The following FAT3 variants were observed in gnomAD, a reference collection of about 807,000 sequenced individuals.
The protein encoded by FAT3 is protocadherin Fat 3.
In FAT3, 95 loss-of-function variants were observed where a neutral mutation model predicts 310.2. That is an observed-to-expected ratio of 0.31 (90% CI 0.26 to 0.36). The LOEUF (loss-of-function observed/expected upper bound fraction) is 0.36. Among genes scored for constraint, FAT3 ranks in the 10% least tolerant of loss-of-function variants. The pLI, the probability that FAT3 is intolerant of heterozygous loss-of-function variation, is 1.00. For missense variants in FAT3, 5,408 were observed against 5,715.6 expected, an observed-to-expected ratio of 0.95 and a Z score of 1.74; for synonymous variants, 2,314 against 2,192.9, an observed-to-expected ratio of 1.06 and a Z score of -1.54.
chr11:92,595,868 CA>C (rs1044660879), intron 3 of FAT3, among the ~76,000 whole-genome samples: 9 of 152,138 alleles, frequency 5.9e-5, no homozygotes, highest in African/African-American at 2.2e-4. Context: ...CTAACTCTCC[CA>C]ACCTTCTGTC....
Position 92,866,996 on chromosome 11 carries a change from G to A in FAT3, c.11914G>A (p.Asp3972Asn), listed in dbSNP as rs776480035. 13 of 1,608,014 alleles carry A rather than the reference G, an allele frequency of 8.1e-6. No homozygotes were observed. Among genetic ancestry groups the A allele is most frequent in the Non-Finnish European group, 1.1e-5 (13 of 1,177,450 alleles). Residue 3972 changes from aspartate (D) to asparagine (N), a missense_variant, in exon 22 of 28, where the codon GAC (aspartate) becomes AAC (asparagine). By Grantham distance (23) the Asp-to-Asn change is conservative (BLOSUM62 1). Coordinates refer to ENST00000525166, the MANE Select transcript of FAT3 (RefSeq NM_001367949.2). ...VQADNIRSLT[D>N]TRVTQVLSGF... ...AGCGGATAACATCCGCAGCCTGACT[G>A]ACACGCGGGTCACGCAGGTGCTCAG...
intron 2 of FAT3, among the ~76,000 whole-genome samples, chr11:92,487,170 T>A (rs986783987): frequency 6.6e-6 from 1 of 152,056 alleles, no homozygotes; most frequent in African/African-American, 2.4e-5. Context: ...TTTCATATTA[T>A]TTTTTTCAAA....
chr11:92,723,238 A>G (rs574537108), intron 4 of FAT3, among the ~76,000 whole-genome samples: 1 of 152,272 alleles, frequency 6.6e-6, no homozygotes, highest in Admixed American at 6.5e-5. Context: ...ACCCTAAATC[A>G]TCTCTCTCAA....
At chr11:92,358,759 G>C (rs2085569321) in intron 2 of FAT3, among the ~76,000 whole-genome samples, 1 of 152,092 alleles carries the variant, frequency 6.6e-6, no homozygotes, top group Non-Finnish European at 1.5e-5. Flanking sequence ...TGGTGCCACT[G>C]AATTTTTACT....
rs577433840 is a variant in FAT3 at position 92,736,092 on chromosome 11, G to C, written c.3670-25764G>C. ...CTGTTGTGAAGATGGCTCTTTGAAGGCACTGTCTGATCCTTCTTGAGCTTC... is the reference window on the plus strand; with the variant it reads ...CTGTTGTGAAGATGGCTCTTTGAAGCCACTGTCTGATCCTTCTTGAGCTTC... On this transcript the variant is annotated intron_variant, in intron 4 of 27. Transcript: ENST00000525166. Among the ~76,000 whole-genome samples the C allele has an allele frequency of 3.3e-5, 5 of 152,134 alleles. No homozygotes were observed. The South Asian group carries it at 1.0e-3, about 32-fold the overall frequency.
chr11:92,320,472 G>T lies in FAT3; in HGVS notation c.-17-31624G>T, dbSNP rs563507835. ...TATAGGTAACAAGTTCACTAGTTTG[G>T]GACTTAGAGTTAATGTATATTTTGT... is the stretch of plus-strand genomic sequence containing the variant. On this transcript the variant is annotated intron_variant, in intron 1 of 27. Coordinates refer to ENST00000525166, the MANE Select transcript of FAT3 (RefSeq NM_001367949.2). Among the ~76,000 whole-genome samples the T allele has an allele frequency of 6.6e-5, 10 of 152,240 alleles. 1 individual carries two copies. The South Asian group carries it at 2.1e-3, about 32-fold the overall frequency.
chr11:92,623,174 CT>C (rs1565465553), intron 3 of FAT3, among the ~76,000 whole-genome samples: 8 of 151,968 alleles, frequency 5.3e-5, no homozygotes, highest in African/African-American at 1.9e-4. Context: ...TCCCATGTTG[CT>C]ACATGTTGCT....
At chr11:92,680,167 C>T (rs945273004) in intron 3 of FAT3, among the ~76,000 whole-genome samples, 8 of 151,496 alleles carry the variant, frequency 5.3e-5, no homozygotes, top group African/African-American at 1.7e-4. Context: ...AGATCTTGGC[C>T]ATAATATCTT....
At chr11:92,871,353 C>T (rs1438958490) in intron 22 of FAT3, among the ~76,000 whole-genome samples, 1 of 152,140 alleles carries the variant, frequency 6.6e-6, no homozygotes, top group African/African-American at 2.4e-5. Flanking sequence ...CAGGGACCAA[C>T]AGCATTGGCA....
At chr11:92,646,978 C>G (rs1328816356) in intron 3 of FAT3, among the ~76,000 whole-genome samples, 1 of 152,048 alleles carries the variant, frequency 6.6e-6, no homozygotes, top group Non-Finnish European at 1.5e-5. Flanking sequence ...CTAGGCATAG[C>G]TTTTTTAGAC....
At chr11:92,842,265 C>T (rs2136286259) in intron 18 of FAT3, among the ~76,000 whole-genome samples, 1 of 152,312 alleles carries the variant, frequency 6.6e-6, no homozygotes, top group African/African-American at 2.4e-5. Context: ...CTGCCCCAGA[C>T]TTTCAGATTT....
chr11:92,708,337 C>T (rs1944420272), intron 4 of FAT3, among the ~76,000 whole-genome samples: 1 of 152,200 alleles, frequency 6.6e-6, no homozygotes, highest in Admixed American at 6.5e-5. Flanking sequence ...CATCCCTTTA[C>T]ATTTATATCA....
chr11:92,338,797 A>G (rs771112419), intron 1 of FAT3, among the ~76,000 whole-genome samples: 6 of 152,214 alleles, frequency 3.9e-5, no homozygotes, highest in Non-Finnish European at 7.3e-5. Context: ...GCCTTGCTAC[A>G]TGCGAACAGT....
intron 17 of FAT3, among the ~76,000 whole-genome samples, chr11:92,840,137 G>A (rs144706210): frequency 9.8e-4 from 149 of 152,302 alleles, no homozygotes; most frequent in African/African-American, 3.3e-3. Context: ...TGTATCTAGT[G>A]TTGGGCCTCA....
chr11:92,366,673 A>C, intron 2 of FAT3: 1 of 535,162 alleles, frequency 1.9e-6, no homozygotes, highest in South Asian at 1.4e-5. Context: ...CATGCTTGAC[A>C]ATGGTTGGAA....
rs1211609457 is a variant in FAT3 at position 92,354,396 on chromosome 11, C to T, written c.2284C>T (p.Leu762=). Residue 762 remains leucine (L), a synonymous_variant, in exon 2 of 28, where the codon CTA becomes TTA. Transcript: ENST00000525166. The part of the protein sequence containing the change: ...DADSGFNGKV[L]FTISDGNTDS... ...CGACTCTGGCTTCAATGGAAAAGTG[C>T]TATTTACAATATCAGATGGAAATAC... is the stretch of plus-strand genomic sequence containing the variant. 6.2e-7 allele frequency: 1 copy of T among 1,613,888 alleles called. No homozygotes were observed. Among genetic ancestry groups the T allele is most frequent in the Non-Finnish European group, 8.5e-7 (1 of 1,179,862 alleles).
At chr11:92,526,312 A>T (rs1349645884) in intron 3 of FAT3, among the ~76,000 whole-genome samples, 1 of 152,194 alleles carries the variant, frequency 6.6e-6, no homozygotes, top group Non-Finnish European at 1.5e-5. Flanking sequence ...CAAATTTAAG[A>T]GTGAGGGTTG....
intron 9 of FAT3, 97 bp downstream of exon 9, chr11:92,793,074 G>T (rs1947077878): frequency 2.3e-6 from 3 of 1,301,252 alleles, no homozygotes; most frequent in Non-Finnish European, 3.2e-6. Flanking sequence ...ATTAACAGTG[G>T]AACATCTCTA....
At chr11:92,789,849 A>T (rs1173870085) in intron 7 of FAT3, 94 bp from the exon 8 acceptor site, 1 of 1,320,594 alleles carries the variant, frequency 7.6e-7, no homozygotes, top group Non-Finnish European at 1.1e-6. Flanking sequence ...GGATCCAAGG[A>T]CGGGGAAGCG....
Sources: gnomAD v4.1 joint callset for allele counts (sites outside exome capture counted in the v4.1 genomes callset) on GRCh38, gnomAD v4.1.1 for gene constraint, MANE v1.5 for transcripts, NCBI Gene and HGNC (gene_info 2026-07-23, HGNC 2026-07-21) for gene names.